BMERB1: variants seen among roughly 807,000 people sequenced by gnomAD.
BMERB1 encodes bMERB domain-containing protein 1.
BMERB1 carries 12 observed loss-of-function variants against 23.6 expected under a neutral mutation model. The ratio of observed to expected loss-of-function variants is 0.51; its 90% CI spans 0.33 to 0.82. The LOEUF (loss-of-function observed/expected upper bound fraction) is 0.82, where lower values mean the gene tolerates loss of function less well. Among genes scored for constraint, BMERB1 ranks in the 40% least tolerant of loss-of-function variants. BMERB1 has a pLI of 0.03. For missense variants in BMERB1, 247 were observed against 255.4 expected (o/e 0.97, Z 0.22); for synonymous variants, 122 against 96.6 (o/e 1.26, Z -1.54).
chr16:15,441,176 C>T lies in BMERB1; in HGVS notation c.106+6417C>T, dbSNP rs79643591. 3.4e-3 allele frequency among the ~76,000 whole-genome samples: 520 copies of T among 152,228 alleles called. 2 individuals are homozygous for T. Among genetic ancestry groups the T allele is most frequent in the African/African-American group, 0.012 (483 of 41,518 alleles). On this transcript the variant is annotated intron_variant, in intron 1 of 5. Transcript: ENST00000300006. ...TTTATTCTCATTGCAGGAGAAACTG[C>T]TAAAAAATTTTAATCAAGGGACTAA...
intron 2 of BMERB1, among the ~76,000 whole-genome samples, chr16:15,529,122 T>A (rs909979163): frequency 6.6e-6 from 1 of 152,184 alleles, no homozygotes; most frequent in East Asian, 1.9e-4. Flanking sequence ...CCTCCCAGGT[T>A]CACGCCATTC....
In BMERB1 at chr16:15,512,673, G is replaced by A. The variant is rs140980154; in HGVS notation, c.107-2632G>A. Among the ~76,000 whole-genome samples the A allele has an allele frequency of 6.3e-3, 958 of 152,272 alleles. 10 individuals are homozygous for A. Among genetic ancestry groups the A allele is most frequent in the African/African-American group, 0.022 (905 of 41,542 alleles). ...GCAGGCTGATCACTTGAGGTCAGGA[G>A]TTCAAGACCAGCCTGGCCAACATGG... On this transcript the variant is annotated intron_variant, in intron 1 of 5. Coordinates refer to ENST00000300006, the MANE Select transcript of BMERB1 (RefSeq NM_033201.3).
At chr16:15,436,236 A>C in intron 1 of BMERB1, among the ~76,000 whole-genome samples, 1 of 150,374 alleles carries the variant, frequency 6.7e-6, no homozygotes. Flanking sequence ...CTGTGTGACT[A>C]ATTATACTCT....
intron 3 of BMERB1, among the ~76,000 whole-genome samples, chr16:15,571,370 T>C (rs1332326418): frequency 6.6e-6 from 1 of 151,950 alleles, no homozygotes; most frequent in Non-Finnish European, 1.5e-5. Flanking sequence ...TTTTTTTTTT[T>C]TTTTTGAGAC....
Position 15,454,197 on chromosome 16 carries a change from AAAT to A in BMERB1, c.106+19442_106+19444del, listed in dbSNP as rs2051065259. Among the ~76,000 whole-genome samples the A allele has an allele frequency of 5.9e-5, 9 of 152,356 alleles. No homozygotes were observed. In the South Asian group the frequency reaches 1.4e-3, roughly 25 times the overall value. ...TGCAGAGAAGTGGAAGATTAAGAGA[AAAT>A]AATGTTGGACAAATTAGATGTAGCT... On this transcript the variant is annotated intron_variant, in intron 1 of 5. Coordinates refer to ENST00000300006, the MANE Select transcript of BMERB1 (RefSeq NM_033201.3).
intron 5 of BMERB1, 94 bp downstream of exon 5, chr16:15,583,332 CTA>C (rs2031063995): frequency 9.9e-7 from 1 of 1,010,062 alleles, no homozygotes; most frequent in African/African-American, 1.6e-5. Flanking sequence ...AATCCCAGCA[CTA>C]TGAGAGGCCA....
At chr16:15,468,162 T>TTTTTTTTTTTTTTTTC (rs57267276) in intron 1 of BMERB1, among the ~76,000 whole-genome samples, 11 of 64,532 alleles carry the variant, frequency 1.7e-4, no homozygotes, top group Middle Eastern at 0.014. Flanking sequence ...TTTTTTTTTT[T>TTTTTTTTTTTTTTTTC]TGAGGCAGGG....
chr16:15,481,114 G>C (rs2051317403), intron 1 of BMERB1, among the ~76,000 whole-genome samples: 1 of 152,050 alleles, frequency 6.6e-6, no homozygotes, highest in Non-Finnish European at 1.5e-5. Flanking sequence ...GAATGCAGAA[G>C]ATCTAATTGT....
At chr16:15,577,974 C>A (rs1247129838) in intron 3 of BMERB1, among the ~76,000 whole-genome samples, 1 of 152,226 alleles carries the variant, frequency 6.6e-6, no homozygotes, top group Non-Finnish European at 1.5e-5. Flanking sequence ...GATGGCCTTT[C>A]CCTGGCACCA....
intron 2 of BMERB1, chr16:15,536,649 T>C (rs954443571): frequency 6.6e-6 from 1 of 152,270 alleles, no homozygotes; most frequent in Non-Finnish European, 1.5e-5. Flanking sequence ...CCCCCCATGC[T>C]TCCGCGTCTC....
rs183932329 is a variant in BMERB1 at position 15,503,589 on chromosome 16, C to T, written c.107-11716C>T. On this transcript the variant is annotated intron_variant, in intron 1 of 5. Transcript: ENST00000300006. ...CTGGGATTACAGGCATGAGCCACCG[C>T]GCCCGGCCAACATCCAAGGATTTTG... 4.9e-3 allele frequency among the ~76,000 whole-genome samples: 744 copies of T among 152,080 alleles called. 2 individuals carry two copies. The highest frequency in any genetic ancestry group is 8.1e-3 in the Non-Finnish European group (549 of 67,992).
rs1345330590 is a variant in BMERB1 at position 15,579,133 on chromosome 16, G to C, written c.305-2084G>C. On this transcript the variant is annotated intron_variant, in intron 3 of 5. Transcript: ENST00000300006. The stretch of plus-strand genomic sequence containing the variant: ...GCCCAGCCAGTTGTTGGGTGATTCT[G>C]GCTAAGATCTAGAGAGCAGTGGAGG... 2.0e-5 allele frequency among the ~76,000 whole-genome samples: 3 copies of C among 152,170 alleles called. No individual in the cohort carries two copies. The East Asian group carries it at 5.8e-4, about 29-fold the overall frequency.
intron 1 of BMERB1, among the ~76,000 whole-genome samples, chr16:15,448,409 T>C (rs115968858): frequency 0.014 from 2,059 of 152,224 alleles, 52 homozygotes; most frequent in African/African-American, 0.048. Flanking sequence ...ATAGTAGTTA[T>C]TATGTCTCAG....
intron 1 of BMERB1, among the ~76,000 whole-genome samples, chr16:15,487,086 TG>T (rs2051375249): frequency 6.6e-6 from 1 of 152,224 alleles, no homozygotes; most frequent in Non-Finnish European, 1.5e-5. Context: ...TCTATGATAA[TG>T]GGAAAATAGG....
intron 2 of BMERB1, among the ~76,000 whole-genome samples, chr16:15,517,939 G>C (rs927934981): frequency 6.6e-6 from 1 of 150,640 alleles, no homozygotes; most frequent in Admixed American, 6.6e-5. Flanking sequence ...GTGTGTGCAT[G>C]TGTGGGTGTG....
rs147527935 is a variant in BMERB1, at chr16:15,542,391, T to G, written c.231-25592T>G. Among the ~76,000 whole-genome samples the G allele has an allele frequency of 4.4e-3, 667 of 152,042 alleles. 10 individuals are homozygous for G. Among genetic ancestry groups the G allele is most frequent in the Middle Eastern group, 0.017 (5 of 294 alleles). On this transcript the variant is annotated intron_variant, in intron 2 of 5. Coordinates refer to ENST00000300006, the MANE Select transcript of BMERB1 (RefSeq NM_033201.3). The stretch of plus-strand genomic sequence containing the variant: ...CCCTCTCCCCTGTCTTTATCACACA[T>G]TTGCTCTTCTGGTGACGAGGCCCCA...
At chr16:15,492,295 G>A (rs1214162256) in intron 1 of BMERB1, among the ~76,000 whole-genome samples, 1 of 152,182 alleles carries the variant, frequency 6.6e-6, no homozygotes, top group Non-Finnish European at 1.5e-5. Flanking sequence ...GCACTGCTGG[G>A]CAGTCGACCC....
intron 2 of BMERB1, among the ~76,000 whole-genome samples, chr16:15,518,448 C>T (rs1243852677): frequency 6.6e-6 from 1 of 152,146 alleles, no homozygotes; most frequent in African/African-American, 2.4e-5. Context: ...GGTGCACCTG[C>T]CTCATCAATC....
intron 3 of BMERB1, among the ~76,000 whole-genome samples, chr16:15,580,739 G>A (rs1440108023): frequency 1.3e-5 from 2 of 151,432 alleles, no homozygotes; most frequent in South Asian, 2.1e-4. Flanking sequence ...TAGAGACGGG[G>A]TTCCACCCTG....
Sources: gnomAD v4.1 joint callset for allele counts (sites outside exome capture counted in the v4.1 genomes callset) on GRCh38, gnomAD v4.1.1 for gene constraint, MANE v1.5 for transcripts, NCBI Gene and HGNC (gene_info 2026-07-23, HGNC 2026-07-21) for gene names.